Variants in BAHD1 observed in about 807,000 individuals in gnomAD.
BAHD1 encodes bromo adjacent homology domain-containing 1 protein.
In BAHD1, 20 loss-of-function variants were observed where a neutral mutation model predicts 63.1. The observed-to-expected ratio is 0.32, with a 90% CI of 0.22 to 0.46. The LOEUF is 0.46. Among genes scored for constraint, BAHD1 ranks in the 20% least tolerant of loss-of-function variants. The pLI is 1.00. For synonymous variants in BAHD1, 408 were observed against 426.8 expected (o/e 0.96, Z 0.54); for missense variants, 939 against 1,071.8 (o/e 0.88, Z 1.73).
At chr15:40,449,028 C>T (rs1373618612) in intron 1 of BAHD1, among the ~76,000 whole-genome samples, 2 of 152,034 alleles carry the variant, frequency 1.3e-5, no homozygotes, top group Non-Finnish European at 2.9e-5. Context: ...GTTGGTCAGG[C>T]TGGCCTTGAA....
At chr15:40,451,995 G>A (rs1351874931) in intron 1 of BAHD1, among the ~76,000 whole-genome samples, 1 of 152,230 alleles carries the variant, frequency 6.6e-6, no homozygotes, top group Non-Finnish European at 1.5e-5. Context: ...AATGCTCTCT[G>A]CCCACTCTCC....
In BAHD1 at chr15:40,466,368, G is replaced by C; in HGVS notation, c.*238G>C. The C allele has an allele frequency of 2.5e-6, 1 of 392,468 alleles. No homozygotes were observed. The highest frequency in any genetic ancestry group is 4.5e-6 in the Non-Finnish European group (1 of 220,762). The allele number at this position is 392,468 out of a possible 1,614,324, so 24.3% of individuals were successfully genotyped here. On this transcript the variant is annotated 3_prime_UTR_variant, in exon 7 of 7. Coordinates refer to ENST00000416165, the MANE Select transcript of BAHD1 (RefSeq NM_014952.5). The stretch of plus-strand genomic sequence containing the variant: ...CAGCTTGGCCCAAGGTACCTTCTGT[G>C]GTTCCCCTGGGTGGAGATTTCCGAA...
chr15:40,450,548 C>A (rs557516671), intron 1 of BAHD1, among the ~76,000 whole-genome samples: 2 of 152,206 alleles, frequency 1.3e-5, no homozygotes, highest in Non-Finnish European at 2.9e-5. Flanking sequence ...GCATCAGTAG[C>A]ACAAGGTTTT....
Position 40,458,637 on chromosome 15 carries a change from G to T in BAHD1, c.173G>T (p.Arg58Leu), listed in dbSNP as rs755328310. 4 of 1,613,804 alleles carry T rather than the reference G, an allele frequency of 2.5e-6. No homozygotes were observed. Among genetic ancestry groups the T allele is most frequent in the Admixed American group, 3.3e-5 (2 of 59,988 alleles). The stretch of plus-strand genomic sequence containing the variant: ...GGGCGCCGCAAGAATTACCCACTTC[G>T]TAAGCGCCCATTGGTTCCTGAGAAG... ...LTGRRKNYPL[R>L]KRPLVPEKPK... Residue 58 changes from arginine (R) to leucine (L), a missense_variant, in exon 2 of 7, where the codon CGT (arginine) becomes CTT (leucine). Around this residue, in one of 5 missense-constraint regions of BAHD1, gnomAD observed 797 missense variants for 813.3 expected, o/e 0.98. Transcript: ENST00000416165. The surrounding 1 kb of genome is among the most constrained non-coding windows in gnomAD (Gnocchi z 4.7).
At chr15:40,465,484 C>T in intron 6 of BAHD1, 49 bp downstream of exon 6, 1 of 1,457,284 alleles carries the variant, frequency 6.9e-7, no homozygotes, top group Non-Finnish European at 9.6e-7. Context: ...TCAGGCTCCC[C>T]AGGCATATTT....
rs995685421 is a variant in BAHD1 at position 40,466,568 on chromosome 15, G to A, written c.*438G>A. On this transcript the variant is annotated 3_prime_UTR_variant, in exon 7 of 7. Coordinates refer to ENST00000416165, the MANE Select transcript of BAHD1 (RefSeq NM_014952.5). ...AGCTTTACCTCACCCACTGTGACCC[G>A]CCGCTTCCCCTTCAGCCTGGGACCA... The A allele has an allele frequency of 1.5e-4, 24 of 160,016 alleles. No homozygotes were observed. In the South Asian group the frequency reaches 3.9e-3, roughly 26 times the overall value. The allele number at this position is 160,016 out of a possible 1,614,324, so 9.9% of individuals were successfully genotyped here.
rs1470794373 is a variant in BAHD1, at chr15:40,465,421, T to C, written c.2139T>C (p.Phe713=). Residue 713 remains phenylalanine (F), a synonymous_variant, in exon 6 of 7, where the codon TTT becomes TTC. Transcript: ENST00000416165. ...AGGAGAAGTGCTATGTGCTGACTTT[T>C]GCCGAGTACTGCAGGTAGGTGGTTC... ...CIEEKCYVLT[F]AEYCRFCAMA... The C allele has an allele frequency of 1.2e-6, 2 of 1,614,128 alleles. No individual in the cohort carries two copies. The highest frequency in any genetic ancestry group is 1.7e-6 in the Non-Finnish European group (2 of 1,179,966).
intron 1 of BAHD1, among the ~76,000 whole-genome samples, chr15:40,446,422 T>A (rs1386907976): frequency 6.6e-6 from 1 of 152,218 alleles, no homozygotes; most frequent in African/African-American, 2.4e-5. Context: ...TCCAGGACTT[T>A]GTGTTGTGTC....
upstream of BAHD1, among the ~76,000 whole-genome samples, chr15:40,437,965 T>A (rs1459793991): frequency 6.6e-6 from 1 of 152,190 alleles, no homozygotes; most frequent in Non-Finnish European, 1.5e-5. Flanking sequence ...CCCTTCCCGA[T>A]GGGTCTGGAG....
At chr15:40,456,519 C>T (rs9972363) in intron 1 of BAHD1, among the ~76,000 whole-genome samples, 46,986 of 152,166 alleles carry the variant, frequency 0.31, 8,185 homozygotes, top group Middle Eastern at 0.41. Flanking sequence ...TCCAGTTTTC[C>T]GTGTCCTTTC....
At chr15:40,447,338 G>T (rs751162894) in intron 1 of BAHD1, among the ~76,000 whole-genome samples, 29 of 151,876 alleles carry the variant, frequency 1.9e-4, no homozygotes, top group Admixed American at 3.3e-4. Flanking sequence ...AGGCTGAGGC[G>T]GGTGGATCAC....
At chr15:40,453,267 G>A (rs946790512) in intron 1 of BAHD1, among the ~76,000 whole-genome samples, 1 of 152,226 alleles carries the variant, frequency 6.6e-6, no homozygotes, top group Non-Finnish European at 1.5e-5. Context: ...TCTTTCTGCT[G>A]TACCAGCTCT....
chr15:40,437,619 T>C (rs1893300165), upstream of BAHD1, among the ~76,000 whole-genome samples: 1 of 152,174 alleles, frequency 6.6e-6, no homozygotes, highest in Non-Finnish European at 1.5e-5. Context: ...TCAGGTGCTC[T>C]GGGGGTTGGG....
At position 40,466,845 on chromosome 15, in the gene BAHD1, A is replaced by G. The variant is rs1178527592; in HGVS notation, c.*715A>G. The G allele has an allele frequency of 6.6e-6, 1 of 152,338 alleles. No homozygotes were observed. The highest frequency in any genetic ancestry group is 2.4e-5 in the African/African-American group (1 of 41,438). The allele number at this position is 152,338 out of a possible 1,614,324, so 9.4% of individuals were successfully genotyped here. On this transcript the variant is annotated 3_prime_UTR_variant, in exon 7 of 7. Transcript: ENST00000416165. ...CCACCCAGCGGGTCTGGCTTCCCAG[A>G]AAGTTAACTGATGATTGTGGGGTTT... is the stretch of plus-strand genomic sequence containing the variant.
At chr15:40,446,988 A>G (rs1434233385) in intron 1 of BAHD1, among the ~76,000 whole-genome samples, 2 of 152,214 alleles carry the variant, frequency 1.3e-5, no homozygotes, top group African/African-American at 2.4e-5. Flanking sequence ...AACTCTGGTT[A>G]CCTGTCCACA....
chr15:40,447,166 T>C (rs1893562510), intron 1 of BAHD1, among the ~76,000 whole-genome samples: 1 of 152,202 alleles, frequency 6.6e-6, no homozygotes, highest in Non-Finnish European at 1.5e-5. Flanking sequence ...TGAAGTCACG[T>C]TTCCACCATA....
intron 6 of BAHD1, 136 bp from the exon 7 acceptor site, chr15:40,465,805 A>G: frequency 1.1e-6 from 1 of 870,830 alleles, no homozygotes; most frequent in African/African-American, 1.7e-5. Context: ...CATCCCTGGG[A>G]TGGGTGGAGA....
rs750287065 is a variant in BAHD1, at chr15:40,462,116, A to G, written c.1637A>G (p.Lys546Arg). The G allele has an allele frequency of 6.2e-7, 1 of 1,613,022 alleles. No individual in the cohort carries two copies. The highest frequency in any genetic ancestry group is 1.1e-5 in the South Asian group (1 of 91,080). ...PQSAKPPSGSKSGLRTGSSCR... is the reference protein window; with the variant it reads ...PQSAKPPSGSRSGLRTGSSCR... Reference sequence around the variant, plus strand: ...AGCGCCAAACCTCCCAGCGGTTCTAAGTCAGGTCTGCGCACAGGCTCCAGC... The same window carrying G: ...AGCGCCAAACCTCCCAGCGGTTCTAGGTCAGGTCTGCGCACAGGCTCCAGC... The change falls in exon 3 of 7, where the codon AAG becomes AGG. Residue 546 changes from lysine to arginine, a missense_variant. Lys to Arg is a conservative substitution (Grantham distance 26). Coordinates refer to ENST00000416165, the MANE Select transcript of BAHD1 (RefSeq NM_014952.5).
chr15:40,462,317 T>C, intron 3 of BAHD1, 23 bp downstream of exon 3: 1 of 1,574,552 alleles, frequency 6.4e-7, no homozygotes, highest in Middle Eastern at 1.7e-4. Context: ...TCTTAGCTGA[T>C]GACGAGAGGG....
Sources: gnomAD v4.1 joint callset for allele counts (sites outside exome capture counted in the v4.1 genomes callset) on GRCh38, gnomAD v4.1.1 for gene constraint, gnomAD v4.1.1 regional missense constraint, Gnocchi (gnomAD v3.1) non-coding constraint, MANE v1.5 for transcripts, NCBI Gene and HGNC (gene_info 2026-07-23, HGNC 2026-07-21) for gene names.